ARHGAP31: variants seen among roughly 807,000 people sequenced by gnomAD.
The protein encoded by ARHGAP31 is rho GTPase-activating protein 31.
A neutral mutation model predicts 113.9 loss-of-function variants in ARHGAP31; 34 were observed. That is an observed-to-expected ratio of 0.30 (90% CI 0.23 to 0.40). The LOEUF (loss-of-function observed/expected upper bound fraction) is 0.40. Among genes scored for constraint, ARHGAP31 ranks in the 10% least tolerant of loss-of-function variants. ARHGAP31 has a pLI of 1.00. For missense variants in ARHGAP31, 1,548 were observed against 1,767.1 expected (o/e 0.88, Z 2.22); for synonymous variants, 650 against 684.8 (o/e 0.95, Z 0.79).
chr3:119,377,593 G>T (rs943442861), intron 3 of ARHGAP31, among the ~76,000 whole-genome samples: 1 of 152,094 alleles, frequency 6.6e-6, no homozygotes, highest in African/African-American at 2.4e-5. Context: ...CGGAGCAGGG[G>T]AATTTGCAGA....
intron 1 of ARHGAP31, among the ~76,000 whole-genome samples, chr3:119,332,344 C>T (rs959039725): frequency 6.6e-6 from 1 of 151,972 alleles, no homozygotes; most frequent in East Asian, 1.9e-4. Flanking sequence ...GGATTACAGG[C>T]GCCCGACACC....
intron 11 of ARHGAP31, among the ~76,000 whole-genome samples, chr3:119,410,070 A>G (rs939379635): frequency 3.9e-5 from 6 of 152,136 alleles, no homozygotes; most frequent in Non-Finnish European, 5.9e-5. Context: ...TTTGGAATGT[A>G]ATGACATTCA....
intron 1 of ARHGAP31, among the ~76,000 whole-genome samples, chr3:119,342,296 G>C (rs977013921): frequency 2.0e-5 from 3 of 152,042 alleles, no homozygotes; most frequent in Admixed American, 2.0e-4. Flanking sequence ...ACAGACTGAG[G>C]TCATTCATGT....
intron 11 of ARHGAP31, among the ~76,000 whole-genome samples, chr3:119,413,229 A>T (rs1033661052): frequency 6.6e-6 from 1 of 151,120 alleles, no homozygotes; most frequent in African/African-American, 2.4e-5. Context: ...AGGCAGAAGA[A>T]TCGTGTGAAC....
chr3:119,355,675 C>T (rs758325747), intron 1 of ARHGAP31, among the ~76,000 whole-genome samples: 6 of 152,058 alleles, frequency 3.9e-5, no homozygotes, highest in Non-Finnish European at 8.8e-5. Context: ...GTGATGTTCC[C>T]CACCCTGTGT....
At chr3:119,411,130 G>C (rs2080712707) in intron 11 of ARHGAP31, among the ~76,000 whole-genome samples, 1 of 152,196 alleles carries the variant, frequency 6.6e-6, no homozygotes, top group African/African-American at 2.4e-5. Flanking sequence ...TGGGATAGCT[G>C]GGCTGGAGAA....
At chr3:119,377,583 C>T (rs967570497) in intron 3 of ARHGAP31, among the ~76,000 whole-genome samples, 2 of 152,036 alleles carry the variant, frequency 1.3e-5, no homozygotes, top group African/African-American at 4.8e-5. Flanking sequence ...TGACGGGAGA[C>T]GGAGCAGGGG....
chr3:119,344,377 A>G (rs896412358), intron 1 of ARHGAP31, among the ~76,000 whole-genome samples: 1 of 152,148 alleles, frequency 6.6e-6, no homozygotes, highest in Non-Finnish European at 1.5e-5. Flanking sequence ...GTACACCCTC[A>G]TATGGCTGAA....
intron 9 of ARHGAP31, among the ~76,000 whole-genome samples, chr3:119,401,263 A>T (rs114379488): frequency 0.012 from 1,896 of 152,232 alleles, 37 homozygotes; most frequent in African/African-American, 0.043. Flanking sequence ...AATCAACAGG[A>T]AGAAGCCTGA....
At chr3:119,297,527 T>C (rs2079543698) in intron 1 of ARHGAP31, among the ~76,000 whole-genome samples, 1 of 152,100 alleles carries the variant, frequency 6.6e-6, no homozygotes, top group Non-Finnish European at 1.5e-5. Flanking sequence ...AAAGATAGGT[T>C]CAGGTTTGGG....
chr3:119,328,636 T>C (rs2079866270), intron 1 of ARHGAP31, among the ~76,000 whole-genome samples: 2 of 151,620 alleles, frequency 1.3e-5, no homozygotes, highest in African/African-American at 4.8e-5. Flanking sequence ...CACCTTTTTC[T>C]TTCTTTCTTT....
chr3:119,410,557 A>T (rs539380438), intron 11 of ARHGAP31, among the ~76,000 whole-genome samples: 1 of 152,300 alleles, frequency 6.6e-6, no homozygotes, highest in South Asian at 2.1e-4. Flanking sequence ...TAGGGTCTCT[A>T]TAAGATATAT....
intron 8 of ARHGAP31, among the ~76,000 whole-genome samples, chr3:119,393,943 C>G (rs1465502318): frequency 2.0e-5 from 3 of 152,230 alleles, no homozygotes; most frequent in African/African-American, 7.2e-5. Flanking sequence ...AGGATCCAAT[C>G]CAGGATCTCA....
chr3:119,330,360 T>A (rs1434428618), intron 1 of ARHGAP31, among the ~76,000 whole-genome samples: 1 of 152,192 alleles, frequency 6.6e-6, no homozygotes, highest in East Asian at 1.9e-4. Context: ...AGCCATCTTG[T>A]ATTCCATACC....
intron 1 of ARHGAP31, among the ~76,000 whole-genome samples, chr3:119,352,111 T>C (rs879849114): frequency 6.6e-6 from 1 of 152,180 alleles, no homozygotes; most frequent in Admixed American, 6.5e-5. Flanking sequence ...CTTTATCAAT[T>C]ACACAAAGCA....
At chr3:119,340,695 G>A (rs999917443) in intron 1 of ARHGAP31, among the ~76,000 whole-genome samples, 1 of 152,122 alleles carries the variant, frequency 6.6e-6, no homozygotes, top group Non-Finnish European at 1.5e-5. Flanking sequence ...AGCCTAGTGC[G>A]CAGTGTGGCC....
At chr3:119,307,958 A>AAAAT (rs2079645450) in intron 1 of ARHGAP31, among the ~76,000 whole-genome samples, 1 of 150,264 alleles carries the variant, frequency 6.7e-6, no homozygotes, top group South Asian at 2.1e-4. Flanking sequence ...AAAAAAAAAA[A>AAAAT]AAGCTCAATC....
chr3:119,391,058 C>A, intron 7 of ARHGAP31, 75 bp downstream of exon 7: 1 of 1,524,348 alleles, frequency 6.6e-7, no homozygotes, highest in Non-Finnish European at 9.1e-7. Context: ...TATACAGTCT[C>A]AGGACCAAGA....
intron 2 of ARHGAP31, among the ~76,000 whole-genome samples, chr3:119,367,051 G>A (rs1418869852): frequency 1.3e-5 from 2 of 151,104 alleles, no homozygotes; most frequent in African/African-American, 4.9e-5. Flanking sequence ...GCAGTGAGCC[G>A]AGATTGTGCC....
Sources: allele counts gnomAD v4.1 joint callset (sites outside exome capture counted in the v4.1 genomes callset), GRCh38; gene constraint gnomAD v4.1.1; transcripts MANE v1.5; gene names NCBI Gene and HGNC (gene_info 2026-07-23, HGNC 2026-07-21).